AUTS2: variants seen among roughly 807,000 people sequenced by gnomAD.
AUTS2 encodes activator of transcription and developmental regulator AUTS2, also known as autism susceptibility gene 2 protein.
A neutral mutation model predicts 112.4 loss-of-function variants in AUTS2; 17 were observed. The ratio of observed to expected loss-of-function variants is 0.15; its 90% CI spans 0.10 to 0.23. The LOEUF is 0.23. Among genes scored for constraint, AUTS2 ranks in the 10% least tolerant of loss-of-function variants. The pLI, the probability that AUTS2 is intolerant of heterozygous loss-of-function variation, is 1.00. For missense variants in AUTS2, 1,510 were observed against 1,701.6 expected, an observed-to-expected ratio of 0.89 and a Z score of 1.98; for synonymous variants, 751 against 702.7, an observed-to-expected ratio of 1.07 and a Z score of -1.09.
chr7:70,456,218 G>A (rs1220793372), intron 5 of AUTS2, among the ~76,000 whole-genome samples: 1 of 152,140 alleles, frequency 6.6e-6, no homozygotes, highest in Non-Finnish European at 1.5e-5. Flanking sequence ...CTCCATCCAT[G>A]TAAGATTTAC....
At chr7:70,273,727 A>G (rs1787800450) in intron 4 of AUTS2, among the ~76,000 whole-genome samples, 1 of 152,062 alleles carries the variant, frequency 6.6e-6, no homozygotes, top group Non-Finnish European at 1.5e-5. Flanking sequence ...GGTCCTGCAG[A>G]GCCCTGTGTA....
At chr7:70,670,602 G>A (rs1013244550) in intron 5 of AUTS2, among the ~76,000 whole-genome samples, 2 of 152,152 alleles carry the variant, frequency 1.3e-5, no homozygotes, top group African/African-American at 2.4e-5. Context: ...TCGCTCCCTC[G>A]TGTCCAGTCA....
intron 4 of AUTS2, among the ~76,000 whole-genome samples, chr7:70,311,033 G>A (rs1387414497): frequency 6.6e-6 from 1 of 152,144 alleles, no homozygotes; most frequent in Admixed American, 6.5e-5. Context: ...AATTTCAAAA[G>A]CAGTTCCTAG....
intron 3 of AUTS2, among the ~76,000 whole-genome samples, chr7:70,121,739 A>C (rs1244748174): frequency 1.3e-5 from 2 of 152,194 alleles, no homozygotes; most frequent in African/African-American, 4.8e-5. Flanking sequence ...TGGGAATGTA[A>C]AATGACGCAG....
At chr7:69,797,324 C>G (rs1437411254) in intron 1 of AUTS2, among the ~76,000 whole-genome samples, 4 of 152,228 alleles carry the variant, frequency 2.6e-5, no homozygotes, top group South Asian at 2.1e-4. Flanking sequence ...AGTTAAGATT[C>G]AATAGACTTG....
intron 1 of AUTS2, among the ~76,000 whole-genome samples, chr7:69,788,835 A>G (rs963982907): frequency 6.6e-6 from 1 of 152,108 alleles, no homozygotes; most frequent in African/African-American, 2.4e-5. Flanking sequence ...CATAGACAGA[A>G]TAAGAATCAA....
intron 5 of AUTS2, among the ~76,000 whole-genome samples, chr7:70,695,828 A>G (rs1809061531): frequency 6.6e-6 from 1 of 152,202 alleles, no homozygotes; most frequent in Admixed American, 6.5e-5. Context: ...AGCAGCCAAA[A>G]GAGAGCTTTG....
At chr7:70,338,045 CTAAT>C (rs1791075429) in intron 4 of AUTS2, among the ~76,000 whole-genome samples, 1 of 152,318 alleles carries the variant, frequency 6.6e-6, no homozygotes, top group South Asian at 2.1e-4. Flanking sequence ...ATTAAAAACT[CTAAT>C]TAAAACAGCA....
intron 1 of AUTS2, among the ~76,000 whole-genome samples, chr7:69,680,702 C>T (rs192627599): frequency 3.9e-5 from 6 of 152,240 alleles, no homozygotes; most frequent in Admixed American, 3.9e-4. Context: ...GACGGGCTCT[C>T]TGTGTTGCTC....
At chr7:70,695,681 T>C (rs1234142462) in intron 5 of AUTS2, among the ~76,000 whole-genome samples, 1 of 151,926 alleles carries the variant, frequency 6.6e-6, no homozygotes, top group African/African-American at 2.4e-5. Flanking sequence ...TTATAAGTTT[T>C]CCTTATTCTC....
At chr7:70,142,472 A>G (rs1269215051) in intron 4 of AUTS2, among the ~76,000 whole-genome samples, 1 of 152,186 alleles carries the variant, frequency 6.6e-6, no homozygotes, top group Non-Finnish European at 1.5e-5. Flanking sequence ...CTTAGTGAAC[A>G]CTGTTCTTCA....
At chr7:69,755,508 A>C (rs1439180473) in intron 1 of AUTS2, among the ~76,000 whole-genome samples, 1 of 152,088 alleles carries the variant, frequency 6.6e-6, no homozygotes, top group Non-Finnish European at 1.5e-5. Context: ...AATAATTAGA[A>C]TTCTCACTCT....
At chr7:70,175,656 A>T (rs1808947917) in intron 4 of AUTS2, among the ~76,000 whole-genome samples, 1 of 152,104 alleles carries the variant, frequency 6.6e-6, no homozygotes, top group African/African-American at 2.4e-5. Context: ...TGTATGCAAG[A>T]CCCTCCACCA....
intron 2 of AUTS2, among the ~76,000 whole-genome samples, chr7:69,928,518 T>C (rs1348583887): frequency 6.6e-6 from 1 of 152,190 alleles, no homozygotes; most frequent in Non-Finnish European, 1.5e-5. Flanking sequence ...CTCCCTCCTG[T>C]GCTTACACCC....
At chr7:70,110,945 C>A (rs1805052981) in intron 2 of AUTS2, among the ~76,000 whole-genome samples, 1 of 146,906 alleles carries the variant, frequency 6.8e-6, no homozygotes, top group South Asian at 2.2e-4. Context: ...GATCTCAGCT[C>A]ACTGCAAGCT....
At chr7:70,283,171 A>G (rs1344025411) in intron 4 of AUTS2, among the ~76,000 whole-genome samples, 1 of 152,206 alleles carries the variant, frequency 6.6e-6, no homozygotes, top group African/African-American at 2.4e-5. Flanking sequence ...GTTTCTGTGC[A>G]AAGTGGCTTA....
chr7:70,219,037 G>A (rs747336253), intron 4 of AUTS2, among the ~76,000 whole-genome samples: 1 of 152,128 alleles, frequency 6.6e-6, no homozygotes, highest in Non-Finnish European at 1.5e-5. Flanking sequence ...ACAGTAGCTT[G>A]TCTCTTTTTC....
chr7:70,564,428 C>T (rs1237375206), intron 5 of AUTS2, among the ~76,000 whole-genome samples: 1 of 152,150 alleles, frequency 6.6e-6, no homozygotes, highest in East Asian at 1.9e-4. Context: ...AAGACTGTGG[C>T]CTGCCTATGG....
intron 6 of AUTS2, among the ~76,000 whole-genome samples, chr7:70,739,035 T>TTTG (rs1787947129): frequency 3.0e-4 from 25 of 82,508 alleles, no homozygotes; most frequent in Non-Finnish European, 4.6e-4. Flanking sequence ...TTTTTTTTTT[T>TTTG]TTGAGAGAGA....
Sources: gnomAD v4.1 joint callset for allele counts (sites outside exome capture counted in the v4.1 genomes callset) on GRCh38, gnomAD v4.1.1 for gene constraint, MANE v1.5 for transcripts, NCBI Gene and HGNC (gene_info 2026-07-23, HGNC 2026-07-21) for gene names.